The following NEK10 variants were observed in gnomAD, a reference collection of about 807,000 sequenced individuals.
NEK10 encodes serine/threonine-protein kinase Nek10.
In NEK10, 122 loss-of-function variants were observed where a neutral mutation model predicts 159.8. That is an observed-to-expected ratio of 0.76 (90% CI 0.66 to 0.89). NEK10 has a LOEUF of 0.89. Among genes scored for constraint, NEK10 ranks in the 40% least tolerant of loss-of-function variants. The probability of loss-of-function intolerance (pLI) is 0.00; values close to 1 mark genes in which losing one functional copy is unlikely to be tolerated. For missense variants in NEK10, 1,342 were observed against 1,323.1 expected, an observed-to-expected ratio of 1.01 and a Z score of -0.22; for synonymous variants, 466 against 457.1, an observed-to-expected ratio of 1.02 and a Z score of -0.25.
At position 27,340,442 on chromosome 3, in the gene NEK10, T is replaced by C. The variant is rs552706395; in HGVS notation, c.362+3830A>G. 5.9e-5 allele frequency among the ~76,000 whole-genome samples: 9 copies of C among 152,144 alleles called. No individual in the cohort carries two copies. In the South Asian group the frequency reaches 1.5e-3, roughly 25 times the overall value. ...AAAACCTAGACAACGGGTGGATAGGTGCAGCAAACCACCATGGCACATGTA... is the reference window on the plus strand; with the variant it reads ...AAAACCTAGACAACGGGTGGATAGGCGCAGCAAACCACCATGGCACATGTA... On this transcript the variant is annotated intron_variant, in intron 5 of 35. Coordinates refer to ENST00000691995, the MANE Select transcript of NEK10 (RefSeq NM_001394966.1).
chr3:27,271,030 G>T (rs899228690), intron 22 of NEK10, among the ~76,000 whole-genome samples: 1 of 151,964 alleles, frequency 6.6e-6, no homozygotes, highest in Non-Finnish European at 1.5e-5. Context: ...ATCCATGAGA[G>T]GACTTTGTAT....
At chr3:27,216,173 G>T (rs1951509179) in intron 23 of NEK10, among the ~76,000 whole-genome samples, 1 of 152,128 alleles carries the variant, frequency 6.6e-6, no homozygotes, top group Admixed American at 6.5e-5. Flanking sequence ...TGTGAATGGG[G>T]TCATTGAGAA....
intron 1 of NEK10, among the ~76,000 whole-genome samples, chr3:27,356,110 C>T (rs188270337): frequency 3.8e-4 from 58 of 152,234 alleles, no homozygotes; most frequent in Middle Eastern, 3.4e-3. Flanking sequence ...CCAGAGAAAA[C>T]AGCATTCAAG....
At chr3:27,260,463 A>G (rs1047984741) in intron 22 of NEK10, among the ~76,000 whole-genome samples, 1 of 152,204 alleles carries the variant, frequency 6.6e-6, no homozygotes, top group East Asian at 1.9e-4. Context: ...CCTTTTCTGC[A>G]TCTGTTGAGA....
intron 23 of NEK10, among the ~76,000 whole-genome samples, chr3:27,227,815 G>C (rs1952792946): frequency 6.6e-6 from 1 of 152,238 alleles, no homozygotes; most frequent in Admixed American, 6.5e-5. Context: ...GGTCCCTGTT[G>C]ATCTGAGAAG....
At chr3:27,185,130 A>C (rs564258441) in intron 26 of NEK10, among the ~76,000 whole-genome samples, 6 of 152,358 alleles carry the variant, frequency 3.9e-5, no homozygotes. Flanking sequence ...TGAAGTTATG[A>C]ACAGTTTGTG....
chr3:27,348,243 T>C (rs929952314), intron 3 of NEK10, among the ~76,000 whole-genome samples: 3 of 152,118 alleles, frequency 2.0e-5, no homozygotes, highest in African/African-American at 7.2e-5. Flanking sequence ...TTACCATTAG[T>C]ACAACTCCTA....
chr3:27,286,176 C>G (rs1308602937), intron 20 of NEK10, among the ~76,000 whole-genome samples: 2 of 145,242 alleles, frequency 1.4e-5, no homozygotes, highest in African/African-American at 5.2e-5. Context: ...CGCTCTGCCT[C>G]TGGGGTTCAC....
At chr3:27,252,112 G>T in intron 23 of NEK10, 1 of 296,148 alleles carries the variant, frequency 3.4e-6, no homozygotes, top group Non-Finnish European at 7.1e-6. Context: ...CTAGGTCCTG[G>T]GGAAACAGTG....
chr3:27,190,696 T>C (rs1949029300), intron 26 of NEK10, among the ~76,000 whole-genome samples: 1 of 152,210 alleles, frequency 6.6e-6, no homozygotes, highest in African/African-American at 2.4e-5. Flanking sequence ...CAGAACTTAA[T>C]AATAGAAGGC....
intron 23 of NEK10, among the ~76,000 whole-genome samples, chr3:27,248,175 C>CTAAT (rs1244860824): frequency 4.6e-5 from 7 of 152,132 alleles, no homozygotes; most frequent in African/African-American, 1.7e-4. Context: ...GTGGTAGCCA[C>CTAAT]TAATTATTCT....
At chr3:27,118,680 T>C (rs1297222798) in intron 33 of NEK10, among the ~76,000 whole-genome samples, 5 of 152,232 alleles carry the variant, frequency 3.3e-5, no homozygotes, top group African/African-American at 1.2e-4. Context: ...CTTCATTTCA[T>C]CAGAGTTTCT....
rs9838226 is a variant in NEK10, at chr3:27,211,205, C to T, written c.2091-8648G>A. Among the ~76,000 whole-genome samples, 720 of 152,202 alleles carry T rather than the reference C, an allele frequency of 4.7e-3. 4 individuals carry two copies. Among genetic ancestry groups the T allele is most frequent in the African/African-American group, 0.016 (668 of 41,528 alleles). ...ACAATTGATTTCAGATCATTTCATG[C>T]GACATTCCAATTTATGTAGAATCTG... is the stretch of plus-strand genomic sequence containing the variant. On this transcript the variant is annotated intron_variant, in intron 23 of 35. Transcript: ENST00000691995.
chr3:27,304,237 C>T (rs1350079535), intron 12 of NEK10, among the ~76,000 whole-genome samples: 1 of 152,192 alleles, frequency 6.6e-6, no homozygotes, highest in African/African-American at 2.4e-5. Context: ...ATGGCAACCA[C>T]TTGATTAATG....
chr3:27,296,349 T>TA (rs1194714914), intron 14 of NEK10, among the ~76,000 whole-genome samples: 2 of 152,146 alleles, frequency 1.3e-5, no homozygotes, highest in Non-Finnish European at 2.9e-5. Flanking sequence ...AACCAATACT[T>TA]AGAGTGGATA....
chr3:27,268,050 C>T (rs3953260), intron 22 of NEK10, among the ~76,000 whole-genome samples: 3,755 of 152,288 alleles, frequency 0.025, 160 homozygotes, highest in African/African-American at 0.086. Flanking sequence ...CAAACCAACA[C>T]ATTCCCTTAA....
intron 23 of NEK10, among the ~76,000 whole-genome samples, chr3:27,217,052 T>TA (rs1194449375): frequency 6.6e-6 from 1 of 152,096 alleles, no homozygotes; most frequent in Non-Finnish European, 1.5e-5. Flanking sequence ...GTGATAAAGA[T>TA]AAAAAAATTT....
chr3:27,352,774 C>T, intron 2 of NEK10, 38 bp downstream of exon 2: 1 of 1,409,718 alleles, frequency 7.1e-7, no homozygotes, highest in African/African-American at 1.4e-5. Flanking sequence ...TGGCCACTGC[C>T]TGAGTTAACA....
At chr3:27,131,137 T>C (rs1454950723) in intron 32 of NEK10, among the ~76,000 whole-genome samples, 1 of 152,204 alleles carries the variant, frequency 6.6e-6, no homozygotes, top group Non-Finnish European at 1.5e-5. Flanking sequence ...ATGACTATGC[T>C]ACCCATTTAA....
Sources: allele counts gnomAD v4.1 joint callset (sites outside exome capture counted in the v4.1 genomes callset), GRCh38; gene constraint gnomAD v4.1.1; transcripts MANE v1.5; gene names NCBI Gene and HGNC (gene_info 2026-07-23, HGNC 2026-07-21).